Variants in NUP214 observed in about 807,000 individuals in gnomAD.
NUP214 encodes the protein nucleoporin 214, also known as nuclear pore complex protein Nup214.
Under a neutral mutation model 196.2 loss-of-function variants are expected in NUP214, and 79 were observed. The ratio of observed to expected loss-of-function variants is 0.40; its 90% CI spans 0.34 to 0.49. The LOEUF (loss-of-function observed/expected upper bound fraction) is 0.49, where lower values mean the gene tolerates loss of function less well. NUP214 is among the 20% of genes least tolerant of loss of function. The pLI is 0.58. For synonymous variants in NUP214, 1,020 were observed against 990.5 expected (o/e 1.03, Z -0.56); for missense variants, 2,468 against 2,539.0 (o/e 0.97, Z 0.60).
At position 131,156,557 on chromosome 9, in the gene NUP214, GTTT is replaced by G. The variant is rs552904479; in HGVS notation, c.2437-2815_2437-2813del. On this transcript the variant is annotated intron_variant, in intron 17 of 35. Transcript: ENST00000359428. The stretch of plus-strand genomic sequence containing the variant: ...CCTCCTTGGTTAGGTATATTCCTAA[GTTT>G]TTTTTTTTTTGTTCTTTTTTTTTTT... Among the ~76,000 whole-genome samples the G allele has an allele frequency of 3.6e-5, 5 of 138,818 alleles. No individual in the cohort carries two copies. In the South Asian group the frequency reaches 1.2e-3, roughly 32 times the overall value. 91.1% of individuals were successfully genotyped at this position (138,818 alleles called of 152,430 possible).
At chr9:131,193,629 C>CTTGTTTTT (rs1833678099) in intron 27 of NUP214, among the ~76,000 whole-genome samples, 1 of 28,218 alleles carries the variant, frequency 3.5e-5, no homozygotes, top group Non-Finnish European at 6.5e-5. Flanking sequence ...TCTTCCTTTT[C>CTTGTTTTT]TTTTTTTTTT....
Position 131,197,962 on chromosome 9 carries a change from G to C in NUP214, c.4468G>C (p.Gly1490Arg). Residue 1490 changes from glycine (G) to arginine (R), a missense_variant, in exon 29 of 36, where the codon GGC (glycine) becomes CGC (arginine). Gly to Arg is a moderately radical substitution (Grantham distance 125). Transcript: ENST00000359428. ...TACCCCCTCCCTGCCTATGTCCGCTGGCAGAAGCACAGAAGAGGCCACTTC... is the reference window on the plus strand; with the variant it reads ...TACCCCCTCCCTGCCTATGTCCGCTCGCAGAAGCACAGAAGAGGCCACTTC... ...ATTPSLPMSA[G>R]RSTEEATSSA... 6.2e-7 allele frequency: 1 copy of C among 1,614,182 alleles called. No homozygotes were observed. Among genetic ancestry groups the C allele is most frequent in the Non-Finnish European group, 8.5e-7 (1 of 1,180,044 alleles).
chr9:131,154,739 C>T (rs944098481), intron 17 of NUP214, among the ~76,000 whole-genome samples: 1 of 152,232 alleles, frequency 6.6e-6, no homozygotes, highest in Non-Finnish European at 1.5e-5. Flanking sequence ...TCCTGAGTTA[C>T]TTCACTTAGA....
chr9:131,232,371 T>C lies in NUP214; in HGVS notation c.6239+63T>C, dbSNP rs1834904157. 6.8e-7 allele frequency: 1 copy of C among 1,474,922 alleles called. No homozygotes were observed. The highest frequency in any genetic ancestry group is 2.3e-5 in the East Asian group (1 of 44,264). 91.4% of individuals were successfully genotyped at this position (1,474,922 alleles called of 1,614,324 possible). On this transcript the variant is annotated intron_variant, in intron 35 of 35. Transcript: ENST00000359428. The surrounding 1 kb of genome is among the most constrained non-coding windows in gnomAD (Gnocchi z 5.1). ...AGCATTAAATAAGGTTGGAAGTGTG[T>C]GGATCTTGCTGGATTTGTGCATTTT...
Position 131,233,671 on chromosome 9 carries a change from T to C in NUP214, c.*184T>C, listed in dbSNP as rs566987321. On this transcript the variant is annotated 3_prime_UTR_variant, in exon 36 of 36. Transcript: ENST00000359428. Reference sequence around the variant, plus strand: ...TTGTTTTATATTTCATGTTGGGTTTTCCCTCCCACTATTAAACAGTCTGTT... The same window carrying C: ...TTGTTTTATATTTCATGTTGGGTTTCCCCTCCCACTATTAAACAGTCTGTT... 4.5e-5 allele frequency: 31 copies of C among 693,788 alleles called. No homozygotes were observed. In the African/African-American group the frequency reaches 4.9e-4, roughly 11 times the overall value. The allele number at this position is 693,788 out of a possible 1,614,324, so 43.0% of individuals were successfully genotyped here.
chr9:131,165,960 G>T (rs1384539815), intron 21 of NUP214, among the ~76,000 whole-genome samples: 1 of 152,084 alleles, frequency 6.6e-6, no homozygotes, highest in Non-Finnish European at 1.5e-5. Flanking sequence ...GAGGTGGGGG[G>T]TCATGGGGAG....
intron 31 of NUP214, among the ~76,000 whole-genome samples, chr9:131,221,292 TG>T (rs1834548748): frequency 6.6e-6 from 1 of 152,198 alleles, no homozygotes; most frequent in Non-Finnish European, 1.5e-5. Context: ...ACCTGACATG[TG>T]GGTCCTTAGC....
rs1833840890 is a variant in NUP214 at position 131,198,015 on chromosome 9, C to CA, written c.4522dup (p.Ser1508LysfsTer2). 6.2e-7 allele frequency: 1 copy of CA among 1,614,130 alleles called. No homozygotes were observed. On this transcript the variant is annotated frameshift_variant, in exon 29 of 36. Coordinates refer to ENST00000359428, the MANE Select transcript of NUP214 (RefSeq NM_005085.4). LOFTEE classifies it high-confidence loss of function. The stretch of plus-strand genomic sequence containing the variant: ...CAGCTTTGCCTGAGAAGCCAGGTGA[C>CA]AGTGAGGTCTCAGCATCAGCAGCCT...
chr9:131,230,961 G>C (rs183382836), intron 34 of NUP214, among the ~76,000 whole-genome samples, 192 bp downstream of exon 34: 1 of 152,200 alleles, frequency 6.6e-6, no homozygotes, highest in East Asian at 1.9e-4. Flanking sequence ...AGGAGTTTGA[G>C]ACTAGCCTGG....
intron 16 of NUP214, among the ~76,000 whole-genome samples, chr9:131,151,472 A>G (rs1228023580): frequency 6.6e-6 from 1 of 152,250 alleles, no homozygotes; most frequent in Non-Finnish European, 1.5e-5. Flanking sequence ...TTATCTTCAC[A>G]TAGTAGTGTT....
chr9:131,156,595 A>G (rs1588137078), intron 17 of NUP214, among the ~76,000 whole-genome samples: 1 of 122,756 alleles, frequency 8.1e-6, no homozygotes, highest in Non-Finnish European at 1.7e-5. Flanking sequence ...TGCAGCTATT[A>G]TAAAAGGGGT....
At chr9:131,201,853 C>G in intron 30 of NUP214, 136 bp downstream of exon 30, 1 of 711,156 alleles carries the variant, frequency 1.4e-6, no homozygotes, top group Non-Finnish European at 2.4e-6. Flanking sequence ...GCTGTACTCC[C>G]TTCAGCTGCC....
chr9:131,174,407 C>G, intron 22 of NUP214, 89 bp downstream of exon 22: 1 of 1,124,144 alleles, frequency 8.9e-7, no homozygotes, highest in Non-Finnish European at 1.2e-6. Context: ...ACTGTCACAC[C>G]AATATGGTGG....
intron 17 of NUP214, among the ~76,000 whole-genome samples, chr9:131,157,190 C>T (rs1832478280): frequency 6.6e-6 from 1 of 150,432 alleles, no homozygotes; most frequent in Non-Finnish European, 1.5e-5. Flanking sequence ...CGGTCTTTCT[C>T]TGTTGCTTGG....
intron 14 of NUP214, chr9:131,150,084 A>G (rs2133512179): frequency 2.5e-6 from 1 of 404,132 alleles, no homozygotes; most frequent in Non-Finnish European, 4.5e-6. Context: ...TTATTATTCA[A>G]CATGTCCCAG....
rs533803468 is a variant in NUP214 at position 131,217,109 on chromosome 9, C to T, written c.5749+1741C>T. 1.9e-3 allele frequency among the ~76,000 whole-genome samples: 282 copies of T among 152,238 alleles called. 1 individual carries two copies. The highest frequency in any genetic ancestry group is 2.9e-3 in the Non-Finnish European group (197 of 68,016). ...AGCAAAACTTTCTATCCTGATTTGC[C>T]CTTCTAAACTCCTAAATCAAAAACT... On this transcript the variant is annotated intron_variant, in intron 31 of 35. Coordinates refer to ENST00000359428, the MANE Select transcript of NUP214 (RefSeq NM_005085.4).
In NUP214 at chr9:131,183,019, A is replaced by G. The variant is rs141148852; in HGVS notation, c.3420-4270A>G. Among the ~76,000 whole-genome samples, 561 of 152,230 alleles carry G rather than the reference A, an allele frequency of 3.7e-3. 2 individuals are homozygous for G. The highest frequency in any genetic ancestry group is 0.012 in the African/African-American group (494 of 41,550). On this transcript the variant is annotated intron_variant, in intron 24 of 35. Transcript: ENST00000359428. ...TTTCTCCCTTCACCACCTTTATGCT[A>G]TTGTGCATTTTACTTCCACTGTATT...
chr9:131,175,580 C>T lies in NUP214; in HGVS notation c.3278C>T (p.Ala1093Val), dbSNP rs1466624065. Reference sequence around the variant, plus strand: ...CCCATCTCAGCCCCGCAGGCAGCTGCCGCAGCAGCACTCAGGCGGCAGATG... The same window carrying T: ...CCCATCTCAGCCCCGCAGGCAGCTGTCGCAGCAGCACTCAGGCGGCAGATG... ...SHPISAPQAA[A>V]AAALRRQMAS... The change falls in exon 23 of 36, where the codon GCC becomes GTC. Residue 1093 changes from alanine to valine, a missense_variant. By Grantham distance (64) the Ala-to-Val change is moderately conservative (BLOSUM62 0). Transcript: ENST00000359428. 6.2e-7 allele frequency: 1 copy of T among 1,614,214 alleles called. No homozygotes were observed. Among genetic ancestry groups the T allele is most frequent in the Admixed American group, 1.7e-5 (1 of 60,034 alleles).
At position 131,144,898 on chromosome 9, in the gene NUP214, A is replaced by G. The variant is rs193182580; in HGVS notation, c.1769+144A>G. On this transcript the variant is annotated intron_variant, in intron 12 of 35. Coordinates refer to ENST00000359428, the MANE Select transcript of NUP214 (RefSeq NM_005085.4). ...GATACTTGCAAATGGCAAAAATTCAACCAACATAAAATACTGGCATTTCAT... is the reference window on the plus strand; with the variant it reads ...GATACTTGCAAATGGCAAAAATTCAGCCAACATAAAATACTGGCATTTCAT... The G allele has an allele frequency of 6.3e-6, 4 of 637,988 alleles. No homozygotes were observed. The Admixed American group carries it at 9.5e-5, about 15-fold the overall frequency. The allele number at this position is 637,988 out of a possible 1,614,324, so 39.5% of individuals were successfully genotyped here.
Sources: gnomAD v4.1 joint callset for allele counts (sites outside exome capture counted in the v4.1 genomes callset) on GRCh38, gnomAD v4.1.1 for gene constraint, Gnocchi (gnomAD v3.1) non-coding constraint, MANE v1.5 for transcripts, NCBI Gene and HGNC (gene_info 2026-07-23, HGNC 2026-07-21) for gene names.